The following CAPN8 variants were observed in gnomAD, a reference collection of about 807,000 sequenced individuals.
CAPN8 encodes calpain 8.
In CAPN8, 87 loss-of-function variants were observed where a neutral mutation model predicts 80.9. The ratio of observed to expected loss-of-function variants is 1.07; its 90% CI spans 0.90 to 1.28. The LOEUF is 1.28. Ranked by LOEUF, CAPN8 falls within the 50% of genes most tolerant of loss-of-function variation. The pLI, the probability that CAPN8 is intolerant of heterozygous loss-of-function variation, is 0.00. For missense variants in CAPN8, 757 were observed against 702.0 expected (o/e 1.08, Z -0.89); for synonymous variants, 299 against 273.8 (o/e 1.09, Z -0.91).
At chr1:223,626,045 C>T (rs1177094590) in intron 5 of CAPN8, among the ~76,000 whole-genome samples, 157 bp from the exon 6 acceptor site, 2 of 152,178 alleles carry the variant, frequency 1.3e-5, no homozygotes, top group East Asian at 3.9e-4. Context: ...GAGTCATCTC[C>T]ATCCAGACTC....
chr1:223,609,908 G>A (rs1656988986), intron 11 of CAPN8, among the ~76,000 whole-genome samples: 1 of 152,232 alleles, frequency 6.6e-6, no homozygotes, highest in Non-Finnish European at 1.5e-5. Context: ...CAGGCAGAGG[G>A]GGCGGCCACA....
chr1:223,624,779 G>A (rs1657513498), intron 6 of CAPN8, among the ~76,000 whole-genome samples: 1 of 151,708 alleles, frequency 6.6e-6, no homozygotes, highest in African/African-American at 2.4e-5. Flanking sequence ...CCTTTTGAAA[G>A]AAGACACAAT....
chr1:223,665,461 A>T lies in CAPN8; in HGVS notation c.186T>A (p.Asp62Glu). The change falls in exon 1 of 21, where the codon GAT (aspartate) becomes GAA (glutamate). Residue 62 changes from aspartate to glutamate, a missense_variant. Asp to Glu is a conservative substitution (Grantham distance 45). Coordinates refer to ENST00000366872, the MANE Select transcript of CAPN8 (RefSeq NM_001143962.2). ...PACPSALGYK[D>E]LGPGSPQTQG... ...GAGTTTGCGGAGAGCCTGGTCCAAG[A>T]TCCTTGTAGCCCAAAGCTGATGGAC... 6.4e-7 allele frequency: 1 copy of T among 1,552,036 alleles called. No individual in the cohort carries two copies. Among genetic ancestry groups the T allele is most frequent in the Non-Finnish European group, 8.7e-7 (1 of 1,147,064 alleles).
chr1:223,658,096 C>T (rs570285113), intron 1 of CAPN8, among the ~76,000 whole-genome samples: 4 of 152,294 alleles, frequency 2.6e-5, no homozygotes, highest in South Asian at 2.1e-4. Context: ...CCATTTCATA[C>T]AGCAGTAACA....
intron 2 of CAPN8, among the ~76,000 whole-genome samples, chr1:223,647,233 G>C (rs960907815): frequency 6.6e-6 from 1 of 152,172 alleles, no homozygotes; most frequent in Non-Finnish European, 1.5e-5. Context: ...TGTGCATTGT[G>C]ATAGAAAAGT....
At chr1:223,618,219 T>C in intron 9 of CAPN8, 3 of 1,550,382 alleles carry the variant, frequency 1.9e-6, no homozygotes, top group South Asian at 2.4e-5. Flanking sequence ...CTTAGAGATG[T>C]GGGGCTGTCT....
At position 223,627,651 on chromosome 1, in the gene CAPN8, G is replaced by A. The variant is rs534415711; in HGVS notation, c.560+358C>T. Among the ~76,000 whole-genome samples, 7 of 152,366 alleles carry A rather than the reference G, an allele frequency of 4.6e-5. No individual in the cohort carries two copies. The East Asian group carries it at 7.7e-4, about 17-fold the overall frequency. ...GAGGAAAGAGCAGACACTTTGTTGA[G>A]TTTGGTATCTAGTACATTTGTTTTA... On this transcript the variant is annotated intron_variant, in intron 4 of 20. Coordinates refer to ENST00000366872, the MANE Select transcript of CAPN8 (RefSeq NM_001143962.2).
At chr1:223,549,929 G>A (rs1656738213) in intron 15 of CAPN8, among the ~76,000 whole-genome samples, 1 of 152,192 alleles carries the variant, frequency 6.6e-6, no homozygotes. Context: ...GAGTCCCAGA[G>A]AGGTTATATG....
intron 2 of CAPN8, among the ~76,000 whole-genome samples, chr1:223,634,967 C>T (rs571967966): frequency 3.9e-5 from 6 of 152,288 alleles, no homozygotes; most frequent in South Asian, 4.1e-4. Context: ...TACCTTTAAT[C>T]GGCTAGTTTA....
Position 223,654,343 on chromosome 1 carries a change from A to T in CAPN8, c.294T>A (p.Cys98Ter). The T allele has an allele frequency of 3.9e-6, 6 of 1,551,688 alleles. No individual in the cohort carries two copies. The highest frequency in any genetic ancestry group is 4.4e-6 in the Non-Finnish European group (5 of 1,146,982). ...IVGGATRTDI[C>*]QGGLGDCWLL... is the part of the protein sequence containing the mutation. Reference sequence around the variant, plus strand: ...CCAGTTACTCACCTAGACCACCCTGACAAATGTCTGTGCGCGTGGCTCCAC... The same window carrying T: ...CCAGTTACTCACCTAGACCACCCTGTCAAATGTCTGTGCGCGTGGCTCCAC... The change falls in exon 2 of 21, where the codon TGT becomes TGA. Residue 98 changes from cysteine (C) to a stop codon, truncating the protein, a stop_gained. Transcript: ENST00000366872. LOFTEE classifies it high-confidence loss of function.
chr1:223,550,235 A>G (rs1005908480), intron 15 of CAPN8, among the ~76,000 whole-genome samples: 2 of 152,174 alleles, frequency 1.3e-5, no homozygotes, highest in Admixed American at 1.3e-4. Flanking sequence ...CTGTGCTCCG[A>G]GCCCTGGGGA....
chr1:223,542,991 A>C, intron 20 of CAPN8, 117 bp downstream of exon 20: 1 of 1,115,790 alleles, frequency 9.0e-7, no homozygotes, highest in Non-Finnish European at 1.3e-6. Context: ...CAGAACATGC[A>C]TGGTATTCAC....
rs769529028 is a variant in CAPN8 at position 223,549,347 on chromosome 1, T to C, written c.1735A>G (p.Thr579Ala). ...DIKFDGFNIN[T>A]CREMISLLDS... ...AACAGACTGATCATTTCCCTGCAAG[T>C]GTTGATGTTGAATCCATCGAATTTT... Residue 579 changes from threonine (T) to alanine (A), a missense_variant, in exon 16 of 21, where the codon ACT (threonine) becomes GCT (alanine). Transcript: ENST00000366872. 1.2e-5 allele frequency: 18 copies of C among 1,551,570 alleles called. No individual in the cohort carries two copies. In the Middle Eastern group the frequency reaches 6.7e-4, roughly 57 times the overall value.
chr1:223,614,385 G>T (rs540770450), intron 10 of CAPN8, among the ~76,000 whole-genome samples: 7 of 147,174 alleles, frequency 4.8e-5, no homozygotes, highest in Admixed American at 1.4e-4. Context: ...GGGCGACATA[G>T]TGAGAGTCCG....
chr1:223,631,587 G>A (rs34127408), intron 2 of CAPN8, among the ~76,000 whole-genome samples: 67,991 of 152,038 alleles, frequency 0.45, 15,594 homozygotes, highest in Non-Finnish European at 0.49. Context: ...GCAGCTCAAC[G>A]GATGTTTGAT....
intron 9 of CAPN8, 119 bp from the exon 10 acceptor site, chr1:223,616,264 G>A: frequency 8.5e-7 from 1 of 1,178,396 alleles, no homozygotes; most frequent in South Asian, 1.6e-5. Context: ...TCCAAACTGT[G>A]CCTAGTAAGC....
chr1:223,623,381 C>T (rs1657461914), intron 6 of CAPN8, among the ~76,000 whole-genome samples: 1 of 152,136 alleles, frequency 6.6e-6, no homozygotes, highest in Admixed American at 6.5e-5. Context: ...CATTTCATAG[C>T]TCAAAAATCT....
At chr1:223,558,614 G>C (rs1473543697) in intron 12 of CAPN8, among the ~76,000 whole-genome samples, 9 of 152,014 alleles carry the variant, frequency 5.9e-5, no homozygotes, top group African/African-American at 2.2e-4. Context: ...TGTGGTATGT[G>C]TGAATGGTAT....
chr1:223,657,223 G>A (rs1463617405), intron 1 of CAPN8, among the ~76,000 whole-genome samples: 1 of 152,118 alleles, frequency 6.6e-6, no homozygotes, highest in African/African-American at 2.4e-5. Flanking sequence ...CAATCTGGGT[G>A]TTCTAAAAGT....
Sources: gnomAD v4.1 joint callset for allele counts (sites outside exome capture counted in the v4.1 genomes callset) on GRCh38, gnomAD v4.1.1 for gene constraint, MANE v1.5 for transcripts, NCBI Gene and HGNC (gene_info 2026-07-23, HGNC 2026-07-21) for gene names.